The following PTK2 variants were observed in gnomAD, a reference collection of about 807,000 sequenced individuals.
PTK2 encodes protein tyrosine kinase 2.
PTK2 carries 45 observed loss-of-function variants against 150.1 expected under a neutral mutation model. The observed-to-expected ratio is 0.30, with a 90% CI of 0.24 to 0.38. PTK2 has a LOEUF of 0.38. PTK2 is among the 10% of genes least tolerant of loss of function. The pLI is 1.00. For synonymous variants in PTK2, 432 were observed against 449.2 expected (o/e 0.96, Z 0.48); for missense variants, 919 against 1,307.3 (o/e 0.70, Z 4.58).
At chr8:140,850,652 C>A (rs891609438) in intron 5 of PTK2, among the ~76,000 whole-genome samples, 1 of 151,720 alleles carries the variant, frequency 6.6e-6, no homozygotes. Context: ...ATGGCGTGAA[C>A]GCGGGAGGCG....
chr8:140,846,711 T>C, intron 5 of PTK2, 33 bp from the exon 6 acceptor site: 1 of 1,498,782 alleles, frequency 6.7e-7, no homozygotes, highest in Non-Finnish European at 9.2e-7. Context: ...AACAACACTG[T>C]TTTAAAAGAA....
intron 1 of PTK2, among the ~76,000 whole-genome samples, chr8:140,982,550 T>C (rs893410867): frequency 2.0e-5 from 3 of 151,958 alleles, no homozygotes; most frequent in Admixed American, 1.3e-4. Flanking sequence ...TGAGCCGAGA[T>C]AGCACCACTG....
At chr8:140,775,295 G>A (rs1478069578) in intron 14 of PTK2, among the ~76,000 whole-genome samples, 1 of 152,056 alleles carries the variant, frequency 6.6e-6, no homozygotes, top group Admixed American at 6.6e-5. Context: ...AGACCAGCCT[G>A]GGAAACATGG....
At chr8:140,914,664 ACT>A (rs1201812088) in intron 2 of PTK2, among the ~76,000 whole-genome samples, 1 of 151,204 alleles carries the variant, frequency 6.6e-6, no homozygotes, top group African/African-American at 2.4e-5. Flanking sequence ...AATCTCCATC[ACT>A]CTCTCATTTG....
At chr8:140,964,855 C>T (rs1353094399) in intron 1 of PTK2, among the ~76,000 whole-genome samples, 1 of 152,144 alleles carries the variant, frequency 6.6e-6, no homozygotes, top group Non-Finnish European at 1.5e-5. Context: ...GACACTCAGA[C>T]CTTGCTTGCC....
intron 26 of PTK2, among the ~76,000 whole-genome samples, chr8:140,694,027 TTTTTC>T (rs989744417): frequency 9.2e-5 from 14 of 151,658 alleles, no homozygotes; most frequent in East Asian, 3.9e-4. Flanking sequence ...TAAGCATCTT[TTTTTC>T]TTTTCTTTTC....
intron 4 of PTK2, among the ~76,000 whole-genome samples, chr8:140,876,217 TC>T (rs1284575377): frequency 6.6e-6 from 1 of 152,150 alleles, no homozygotes; most frequent in African/African-American, 2.4e-5. Flanking sequence ...TCCGAGACCC[TC>T]CCCTTCAGAG....
Position 140,732,571 on chromosome 8 carries a change from G to A in PTK2, c.2030+2680C>T, listed in dbSNP as rs750882524. 3 of 530,960 alleles carry A rather than the reference G, an allele frequency of 5.7e-6. No individual in the cohort carries two copies. In the Admixed American group the frequency reaches 5.9e-5, roughly 10 times the overall value. The allele number at this position is 530,960 out of a possible 1,614,324, so 32.9% of individuals were successfully genotyped here. A position where few individuals can be genotyped will look rare whatever the true frequency, so the allele number is the denominator to read the frequency against. On this transcript the variant is annotated intron_variant, in intron 22 of 31. Coordinates refer to ENST00000522684, the Ensembl canonical transcript of PTK2. ...GGAGGTTTGGGCAACACCGAGGTGA[G>A]TATGACCATCCCTGTCCTCAAGGAG...
At chr8:140,847,442 A>T (rs1016552578) in intron 5 of PTK2, among the ~76,000 whole-genome samples, 21 of 152,242 alleles carry the variant, frequency 1.4e-4, no homozygotes, top group Non-Finnish European at 3.1e-4. Flanking sequence ...TGTCACTGTG[A>T]ACACATTTTC....
intron 14 of PTK2, among the ~76,000 whole-genome samples, chr8:140,773,195 ACAT>A (rs1166747246): frequency 1.3e-5 from 2 of 152,228 alleles, no homozygotes; most frequent in African/African-American, 4.8e-5. Flanking sequence ...ATATTATCAC[ACAT>A]CATAAAAACA....
chr8:140,940,166 G>C (rs1367383265), intron 1 of PTK2, among the ~76,000 whole-genome samples: 1 of 152,180 alleles, frequency 6.6e-6, no homozygotes, highest in Non-Finnish European at 1.5e-5. Flanking sequence ...ACTTTTGCTT[G>C]AAGAACTTGG....
intron 1 of PTK2, among the ~76,000 whole-genome samples, chr8:140,931,064 C>G (rs1412766059): frequency 8.3e-6 from 1 of 120,090 alleles, no homozygotes; most frequent in Non-Finnish European, 1.7e-5. Context: ...GAGCGAGACT[C>G]TGTCTCAAAA....
intron 4 of PTK2, among the ~76,000 whole-genome samples, chr8:140,873,382 T>C (rs560103749): frequency 6.6e-6 from 1 of 152,350 alleles, no homozygotes; most frequent in South Asian, 2.1e-4. Context: ...CAGTGCCTTC[T>C]ATGTTAATTG....
At chr8:140,690,242 G>A (rs547618691) in intron 26 of PTK2, among the ~76,000 whole-genome samples, 4 of 152,230 alleles carry the variant, frequency 2.6e-5, no homozygotes, top group African/African-American at 4.8e-5. Flanking sequence ...GTGAGCCACC[G>A]CGCCAGGCCA....
rs145431732 is a variant in PTK2 at position 140,791,754 on chromosome 8, G to C, written c.1124+1600C>G. On this transcript the variant is annotated intron_variant, in intron 13 of 31. Transcript: ENST00000522684. ...AGGCTTAGCAACGAAAAGGGGGTTG[G>C]AAGAAGAGTGGATCATGCAAAGACA... Among the ~76,000 whole-genome samples, 286 of 152,276 alleles carry C rather than the reference G, an allele frequency of 1.9e-3. 1 individual carries two copies. Among genetic ancestry groups the C allele is most frequent in the African/African-American group, 6.5e-3 (272 of 41,532 alleles).
intron 1 of PTK2, among the ~76,000 whole-genome samples, chr8:140,998,826 A>G (rs2100198837): frequency 6.6e-6 from 1 of 152,090 alleles, no homozygotes; most frequent in Admixed American, 6.5e-5. Flanking sequence ...CTCAAAAAAA[A>G]AAAAAAAAAA....
rs562893317 is a variant in PTK2, at chr8:140,681,973, A to G, written c.2562+4659T>C. ...AAGCTTAGCGTTCCAATAATGGAAC[A>G]CTAGGCATAAATAGGTTAAATATAA... is the stretch of plus-strand genomic sequence containing the variant. On this transcript the variant is annotated intron_variant, in intron 27 of 31. Transcript: ENST00000522684. 2.0e-5 allele frequency among the ~76,000 whole-genome samples: 3 copies of G among 152,364 alleles called. No individual in the cohort carries two copies. The East Asian group carries it at 5.8e-4, about 29-fold the overall frequency.
intron 5 of PTK2, among the ~76,000 whole-genome samples, chr8:140,859,932 AC>A (rs2100135071): frequency 1.3e-5 from 2 of 152,226 alleles, no homozygotes; most frequent in Admixed American, 1.3e-4. Flanking sequence ...CTGCATTGAG[AC>A]TTTACCAGGA....
chr8:140,702,616 C>T lies in PTK2; in HGVS notation c.2321G>A (p.Trp774Ter). The change falls in exon 25 of 32, where the codon TGG becomes TAG. Residue 774 changes from tryptophan (W) to a stop codon, truncating the protein, a stop_gained. Transcript: ENST00000522684. LOFTEE classifies it high-confidence loss of function. ...TGCTATCTCCTGAGGTCTATGATTC[C>T]ATGAATCTGTTTGGTCCAAAAGAGA... 1 of 1,614,074 alleles carries T rather than the reference C, an allele frequency of 6.2e-7. No individual in the cohort carries two copies. Among genetic ancestry groups the T allele is most frequent in the Non-Finnish European group, 8.5e-7 (1 of 1,179,982 alleles).
Sources: allele counts gnomAD v4.1 joint callset (sites outside exome capture counted in the v4.1 genomes callset), GRCh38; gene constraint gnomAD v4.1.1; transcripts MANE v1.5; gene names NCBI Gene and HGNC (gene_info 2026-07-23, HGNC 2026-07-21).